The following DRICH1 variants were observed in gnomAD, a reference collection of about 807,000 sequenced individuals.
The protein encoded by DRICH1 is aspartate-rich protein 1.
A neutral mutation model predicts 39.5 loss-of-function variants in DRICH1; 38 were observed. The observed-to-expected ratio is 0.96, with a 90% CI of 0.74 to 1.26. The LOEUF is 1.26. Among genes scored for constraint, DRICH1 ranks in the 50% most tolerant of loss-of-function variants. The pLI, the probability that DRICH1 is intolerant of heterozygous loss-of-function variation, is 0.00. For synonymous variants in DRICH1, 84 were observed against 99.5 expected (o/e 0.84, Z 0.93); for missense variants, 279 against 270.4 (o/e 1.03, Z -0.22).
the DRICH1 span, among the ~76,000 whole-genome samples, chr22:23,592,983 G>T: frequency 1.3e-5 from 2 of 151,338 alleles, no homozygotes; most frequent in African/African-American, 4.9e-5. Flanking sequence ...AGTGAGCCAT[G>T]ATCGTGTCAC....
downstream of DRICH1, among the ~76,000 whole-genome samples, chr22:23,607,540 G>GT (rs540568001): frequency 1.4e-4 from 21 of 151,336 alleles, no homozygotes; most frequent in Admixed American, 5.3e-4. Context: ...GGCGGGGGCG[G>GT]GGGGGGGCCT....
the DRICH1 span, among the ~76,000 whole-genome samples, chr22:23,590,277 G>A: frequency 7.3e-6 from 1 of 137,582 alleles, no homozygotes; most frequent in Non-Finnish European, 1.6e-5. Context: ...TCAGCCCTTT[G>A]ATTTTTTTTT....
chr22:23,602,711 G>GC, the DRICH1 span, among the ~76,000 whole-genome samples: 1 of 149,090 alleles, frequency 6.7e-6, no homozygotes. Context: ...GAGAAATTTG[G>GC]GGGGGGGTGG....
intron 8 of DRICH1, among the ~76,000 whole-genome samples, chr22:23,615,854 C>T (rs1244639085): frequency 6.6e-6 from 1 of 152,222 alleles, no homozygotes; most frequent in African/African-American, 2.4e-5. Context: ...TGCACACATA[C>T]ACTGTAAACT....
chr22:23,616,128 A>G (rs1927333577), intron 8 of DRICH1, among the ~76,000 whole-genome samples: 1 of 152,194 alleles, frequency 6.6e-6, no homozygotes, highest in Non-Finnish European at 1.5e-5. Flanking sequence ...TGCTGCCATG[A>G]AACCTAACAG....
At chr22:23,614,621 GATTT>G (rs1407195078) in intron 8 of DRICH1, among the ~76,000 whole-genome samples, 1 of 152,052 alleles carries the variant, frequency 6.6e-6, no homozygotes, top group Non-Finnish European at 1.5e-5. Context: ...TCTTTTAAAG[GATTT>G]ATTACTTATT....
At chr22:23,612,439 C>T (rs1927088375) in intron 11 of DRICH1, among the ~76,000 whole-genome samples, 1 of 142,442 alleles carries the variant, frequency 7.0e-6, no homozygotes, top group Non-Finnish European at 1.5e-5. Flanking sequence ...TGCACTCCAG[C>T]CTGGGTGACA....
chr22:23,621,988 G>A, intron 4 of DRICH1, 103 bp downstream of exon 4: 2 of 1,020,312 alleles, frequency 2.0e-6, no homozygotes, highest in Non-Finnish European at 3.0e-6. Flanking sequence ...CACTTTTGTT[G>A]TTTATAGCTC....
chr22:23,613,302 TTCA>T lies in DRICH1; in HGVS notation c.669_671del (p.Asp223del), dbSNP rs771965536. ...GTAGTTCCCTACCTGGATGAATCTCTTCATCACTTAGACTCTCCAGCGTCAAGT... is the reference window on the plus strand; with the variant it reads ...GTAGTTCCCTACCTGGATGAATCTCTTCACTTAGACTCTCCAGCGTCAAGT... On this transcript the variant is annotated inframe_deletion, in exon 11 of 12. Coordinates refer to ENST00000317749, the MANE Select transcript of DRICH1 (RefSeq NM_016449.4). 2 of 1,613,334 alleles carry T rather than the reference TTCA, an allele frequency of 1.2e-6. No homozygotes were observed. The highest frequency in any genetic ancestry group is 1.7e-6 in the Non-Finnish European group (2 of 1,179,544).
At position 23,614,172 on chromosome 22, in the gene DRICH1, TGTCTCAGTG is replaced by T. The variant is rs757671427; in HGVS notation, c.575_583del (p.Ser192_His195delinsTyr). 1 of 1,614,000 alleles carries T rather than the reference TGTCTCAGTG, an allele frequency of 6.2e-7. No individual in the cohort carries two copies. The highest frequency in any genetic ancestry group is 8.5e-7 in the Non-Finnish European group (1 of 1,179,836). ...ATCATCTTCTTCTTCTTCATCTTTGTGTCTCAGTGAGCATCTTAAAAACAGGCTATCTTC... is the reference window on the plus strand; with the variant it reads ...ATCATCTTCTTCTTCTTCATCTTTGTAGCATCTTAAAAACAGGCTATCTTC... On this transcript the variant is annotated inframe_deletion, in exon 9 of 12. Coordinates refer to ENST00000317749, the MANE Select transcript of DRICH1 (RefSeq NM_016449.4).
intron 1 of DRICH1, among the ~76,000 whole-genome samples, chr22:23,631,401 G>A (rs1928374854): frequency 6.6e-6 from 1 of 150,882 alleles, no homozygotes; most frequent in South Asian, 2.1e-4. Context: ...GGGCAACAGA[G>A]CAAGACTCCA....
At chr22:23,623,972 CT>C in intron 3 of DRICH1, 1 of 568,776 alleles carries the variant, frequency 1.8e-6, no homozygotes, top group Non-Finnish European at 2.0e-6. Flanking sequence ...GGTTGTGCTT[CT>C]CTCTCAACAG....
the DRICH1 span, among the ~76,000 whole-genome samples, chr22:23,602,711 G>A: frequency 6.7e-6 from 1 of 149,090 alleles, no homozygotes; most frequent in Non-Finnish European, 1.5e-5. Flanking sequence ...GAGAAATTTG[G>A]GGGGGGGTGG....
At chr22:23,613,743 T>TA in intron 9 of DRICH1, 83 bp from the exon 10 acceptor site, 1 of 1,080,614 alleles carries the variant, frequency 9.3e-7, no homozygotes, top group Non-Finnish European at 1.4e-6. Flanking sequence ...TGGACAACGA[T>TA]AAAAAACCAG....
intron 11 of DRICH1, 95 bp downstream of exon 11, chr22:23,613,194 C>T: frequency 1.1e-6 from 1 of 876,606 alleles, no homozygotes. Flanking sequence ...ATTTCATACC[C>T]CCTCCTTCAG....
the DRICH1 span, among the ~76,000 whole-genome samples, chr22:23,588,334 C>T: frequency 1.3e-5 from 2 of 152,184 alleles, no homozygotes; most frequent in African/African-American, 2.4e-5. Context: ...CCATGTTGGC[C>T]AGGCTGGTCT....
At chr22:23,610,727 T>G (rs1479528684) in intron 11 of DRICH1, among the ~76,000 whole-genome samples, 1 of 152,200 alleles carries the variant, frequency 6.6e-6, no homozygotes, top group Non-Finnish European at 1.5e-5. Context: ...TACAAAACTC[T>G]ACTTAAAAGC....
chr22:23,582,690 C>G, the DRICH1 span, among the ~76,000 whole-genome samples: 1 of 151,948 alleles, frequency 6.6e-6, no homozygotes, highest in African/African-American at 2.4e-5. Flanking sequence ...TTCAGCCTCC[C>G]AGGCAGCTGG....
At chr22:23,614,272 G>A (rs371479050) in intron 8 of DRICH1, 58 bp from the exon 9 acceptor site, 22 of 1,249,798 alleles carry the variant, frequency 1.8e-5, no homozygotes, top group African/African-American at 2.9e-5. Context: ...TGAGTCACTC[G>A]GGGAGCTTTG....
Sources: gnomAD v4.1 joint callset for allele counts (sites outside exome capture counted in the v4.1 genomes callset) on GRCh38, gnomAD v4.1.1 for gene constraint, MANE v1.5 for transcripts, NCBI Gene and HGNC (gene_info 2026-07-23, HGNC 2026-07-21) for gene names.